The following MTMR8 variants were observed in gnomAD, a reference collection of about 807,000 sequenced individuals.
The protein encoded by MTMR8 is phosphatidylinositol-3,5-bisphosphate 3-phosphatase MTMR8.
A neutral mutation model predicts 39.3 loss-of-function variants in MTMR8; 65 were observed. That is an observed-to-expected ratio of 1.65 (90% CI 1.35 to 2.03). MTMR8 has a LOEUF of 2.03. MTMR8 is among the 30% of genes most tolerant of loss of function. MTMR8 has a pLI of 0.00. For missense variants in MTMR8, 777 were observed against 538.9 expected (o/e 1.44, Z -4.37); for synonymous variants, 245 against 185.2 (o/e 1.32, Z -2.62).
chrX:64,393,918 T>C lies in MTMR8; in HGVS notation c.24+1422A>G, dbSNP rs767390752. On this transcript the variant is annotated intron_variant, in intron 1 of 13. Transcript: ENST00000374852. ...CTCTTATTTAATCCCACAACCATCT[T>C]GTGAAGTGAGCCGGGCAAATTTCAT... Among the ~76,000 whole-genome samples the C allele has an allele frequency of 3.1e-3, 351 of 112,583 alleles. 2 individuals carry two copies. Among genetic ancestry groups the C allele is most frequent in the African/African-American group, 0.011 (329 of 31,011 alleles).
intron 12 of MTMR8, among the ~76,000 whole-genome samples, chrX:64,294,337 G>A (rs1921494880): frequency 9.0e-6 from 1 of 111,626 alleles, no homozygotes; most frequent in East Asian, 2.8e-4. Flanking sequence ...ACTTTTGAGG[G>A]TGAAGAGTAT....
chrX:64,305,484 T>C (rs1922079102), intron 12 of MTMR8: 2 of 310,056 alleles, frequency 6.5e-6, no homozygotes, highest in Admixed American at 4.7e-5. Flanking sequence ...ATTAATTTTC[T>C]CTTTGGGATG....
At chrX:64,310,384 T>C (rs1406371996) in intron 12 of MTMR8, among the ~76,000 whole-genome samples, 1 of 111,612 alleles carries the variant, frequency 9.0e-6, no homozygotes, top group Non-Finnish European at 1.9e-5. Context: ...TCTGCCGTTA[T>C]ATCCTCCACT....
rs1923588019 is a variant in MTMR8 at position 64,355,048 on chromosome X, C to T, written c.311-114G>A. ...TCCTAAGGGAATGTTTGTCAAACAG[C>T]CCCAGAAAAGGACTGTGGTGTGTGC... On this transcript the variant is annotated intron_variant, in intron 3 of 13. Coordinates refer to ENST00000374852, the MANE Select transcript of MTMR8 (RefSeq NM_017677.4). 4 of 669,236 alleles carry T rather than the reference C, an allele frequency of 6.0e-6. No homozygotes were observed. The Admixed American group carries it at 1.7e-4, about 29-fold the overall frequency. 55.2% of individuals were successfully genotyped at this position (669,236 alleles called of 1,213,427 possible).
In MTMR8 at chrX:64,328,792, A is replaced by G. The variant is rs1403581099; in HGVS notation, c.1461T>C (p.Ser487=). Residue 487 remains serine (S), a synonymous_variant, in exon 12 of 14, where the codon AGT becomes AGC. Coordinates refer to ENST00000374852, the MANE Select transcript of MTMR8 (RefSeq NM_017677.4). ...GFTMYGVLNP[S]TVPYNIQFWC... ...CTTACTGAATGTTGTAGGGCACAGTACTAGGATTGAGTACCCCATACATAG... is the reference window on the plus strand; with the variant it reads ...CTTACTGAATGTTGTAGGGCACAGTGCTAGGATTGAGTACCCCATACATAG... 4 of 1,194,072 alleles carry G rather than the reference A, an allele frequency of 3.3e-6. No homozygotes were observed. The highest frequency in any genetic ancestry group is 4.5e-6 in the Non-Finnish European group (4 of 889,500).
At chrX:64,278,031 CT>C (rs1402873033) in intron 12 of MTMR8, among the ~76,000 whole-genome samples, 1 of 108,593 alleles carries the variant, frequency 9.2e-6, no homozygotes, top group Non-Finnish European at 1.9e-5. Flanking sequence ...GCTATTGATA[CT>C]TGTGTATGCT....
At chrX:64,335,209 G>A (rs763670374) in intron 10 of MTMR8, among the ~76,000 whole-genome samples, 2 of 109,584 alleles carry the variant, frequency 1.8e-5, no homozygotes, top group Non-Finnish European at 3.8e-5. Flanking sequence ...TCAGCTCACT[G>A]CAACCTCCGC....
chrX:64,309,203 G>C (rs1293679642), intron 12 of MTMR8, among the ~76,000 whole-genome samples: 9 of 112,076 alleles, frequency 8.0e-5, no homozygotes, highest in Non-Finnish European at 1.7e-4. Context: ...GGGAAGAACT[G>C]ACAGATTGGC....
At chrX:64,358,360 G>A (rs1048236913) in intron 2 of MTMR8, among the ~76,000 whole-genome samples, 2 of 111,345 alleles carry the variant, frequency 1.8e-5, no homozygotes, top group African/African-American at 6.5e-5. Flanking sequence ...AGTTTTAAAA[G>A]GAAGTATTAA....
chrX:64,299,167 CT>C (rs1344724668), intron 12 of MTMR8, among the ~76,000 whole-genome samples: 1 of 87,600 alleles, frequency 1.1e-5, no homozygotes, highest in Non-Finnish European at 2.2e-5. Context: ...CCAGTTCCCC[CT>C]TGTACCTCTG....
At position 64,348,655 on chromosome X, in the gene MTMR8, G is replaced by C. The variant is rs1923406353; in HGVS notation, c.732+5C>G. ...ATATCAAAGAAATCACTGAGAAATAGATACCTTTGGTCTTGTGTCTACAAC... is the reference window on the plus strand; with the variant it reads ...ATATCAAAGAAATCACTGAGAAATACATACCTTTGGTCTTGTGTCTACAAC... On this transcript the variant is annotated splice_donor_5th_base_variant and intron_variant, in intron 6 of 13. Transcript: ENST00000374852. 4.1e-6 allele frequency: 5 copies of C among 1,209,509 alleles called. No individual in the cohort carries two copies. In the East Asian group the frequency reaches 8.9e-5, roughly 22 times the overall value.
chrX:64,313,583 CG>C (rs1922377695), intron 12 of MTMR8, among the ~76,000 whole-genome samples: 2 of 112,549 alleles, frequency 1.8e-5, no homozygotes, highest in Non-Finnish European at 3.7e-5. Flanking sequence ...CAGCTTTTGA[CG>C]TGTCTTCCTT....
intron 12 of MTMR8, among the ~76,000 whole-genome samples, chrX:64,300,430 T>C (rs949112380): frequency 3.6e-5 from 4 of 111,374 alleles, no homozygotes; most frequent in Non-Finnish European, 7.5e-5. Flanking sequence ...ATTTGCTTGG[T>C]AGAGCTTCCT....
At chrX:64,378,125 A>G (rs1386039010) in intron 1 of MTMR8, among the ~76,000 whole-genome samples, 1 of 112,039 alleles carries the variant, frequency 8.9e-6, no homozygotes, top group Non-Finnish European at 1.9e-5. Flanking sequence ...TCTTTTCTTC[A>G]TAAATTATGC....
chrX:64,393,740 G>T (rs905315036), intron 1 of MTMR8, among the ~76,000 whole-genome samples: 5 of 112,033 alleles, frequency 4.5e-5, no homozygotes, highest in African/African-American at 1.6e-4. Context: ...ACGGGATGTG[G>T]TTATCCTCCA....
At chrX:64,373,961 A>G (rs546345380) in intron 1 of MTMR8, among the ~76,000 whole-genome samples, 1 of 112,137 alleles carries the variant, frequency 8.9e-6, no homozygotes, top group Admixed American at 9.5e-5. Context: ...AGATATCTTG[A>G]TGTTCACTCT....
intron 12 of MTMR8, among the ~76,000 whole-genome samples, chrX:64,314,114 T>G (rs917847052): frequency 1.8e-5 from 2 of 112,527 alleles, no homozygotes; most frequent in Non-Finnish European, 3.7e-5. Flanking sequence ...CTCTGCTTTG[T>G]TCTTTGGCTC....
In MTMR8 at chrX:64,356,028, G is replaced by A. The variant is rs1471929349; in HGVS notation, c.310+148C>T. 3 of 523,044 alleles carry A rather than the reference G, an allele frequency of 5.7e-6. No homozygotes were observed. The Admixed American group carries it at 1.2e-4, about 21-fold the overall frequency. 43.1% of individuals were successfully genotyped at this position (523,044 alleles called of 1,213,427 possible). ...ACAGGTAAAGAAAATGAGTTCAGAG[G>A]TTATATAACTTGCCCAAATATAATG... On this transcript the variant is annotated intron_variant, in intron 3 of 13. Coordinates refer to ENST00000374852, the MANE Select transcript of MTMR8 (RefSeq NM_017677.4).
intron 1 of MTMR8, among the ~76,000 whole-genome samples, chrX:64,375,972 G>A (rs771896829): frequency 9.0e-6 from 1 of 111,342 alleles, no homozygotes; most frequent in East Asian, 2.9e-4. Flanking sequence ...TTGTTTAAAA[G>A]TGTGTAGCAC....
Sources: gnomAD v4.1 joint callset for allele counts (sites outside exome capture counted in the v4.1 genomes callset) on GRCh38, gnomAD v4.1.1 for gene constraint, MANE v1.5 for transcripts, NCBI Gene and HGNC (gene_info 2026-07-23, HGNC 2026-07-21) for gene names.